ICE2: variants seen among roughly 807,000 people sequenced by gnomAD.
ICE2 encodes little elongation complex subunit 2.
Under a neutral mutation model 105.4 loss-of-function variants are expected in ICE2, and 87 were observed. The observed-to-expected ratio is 0.83, with a 90% CI of 0.69 to 0.99. ICE2 has a LOEUF of 0.99. Ranked by LOEUF, ICE2 falls within the 50% of genes least tolerant of loss-of-function variation. The probability of loss-of-function intolerance (pLI) is 0.00; values close to 1 mark genes in which losing one functional copy is unlikely to be tolerated. For synonymous variants in ICE2, 399 were observed against 392.0 expected (o/e 1.02, Z -0.21); for missense variants, 1,323 against 1,146.7 (o/e 1.15, Z -2.22).
chr15:60,437,797 G>C (rs1193882179), intron 12 of ICE2: 1 of 150,760 alleles, frequency 6.6e-6, no homozygotes, highest in African/African-American at 2.4e-5. Context: ...GACTATAGTT[G>C]TGTGCCACCA....
chr15:60,443,195 G>T (rs1225369551), intron 11 of ICE2: 1 of 152,142 alleles, frequency 6.6e-6, no homozygotes, highest in Non-Finnish European at 1.5e-5. Context: ...CTGGCCTAAG[G>T]GAGCGTAAGC....
chr15:60,444,904 C>T (rs966380359), intron 11 of ICE2, among the ~76,000 whole-genome samples: 1 of 152,068 alleles, frequency 6.6e-6, no homozygotes, highest in Non-Finnish European at 1.5e-5. Flanking sequence ...AGGCTGGTCT[C>T]GAACTCCTGA....
At chr15:60,453,811 G>T (rs1254978916) in intron 8 of ICE2, 27 bp from the exon 9 acceptor site, 3 of 1,504,102 alleles carry the variant, frequency 2.0e-6, no homozygotes, top group Middle Eastern at 1.8e-4. Context: ...AAGAAAAGAG[G>T]TGATTAGTAT....
intron 12 of ICE2, chr15:60,439,665 G>C (rs2063678810): frequency 6.6e-6 from 1 of 152,318 alleles, no homozygotes; most frequent in Non-Finnish European, 1.5e-5. Flanking sequence ...TTAGAAGCTT[G>C]AGGCACCGTA....
rs1282189351 is a variant in ICE2, at chr15:60,455,419, T to G, written c.690A>C (p.Thr230=). 4.3e-6 allele frequency: 7 copies of G among 1,612,922 alleles called. No individual in the cohort carries two copies. Among genetic ancestry groups the G allele is most frequent in the Non-Finnish European group, 5.9e-6 (7 of 1,179,050 alleles). ...ACTTTATAGGCATTGAGGGAAATAC[T>G]GTTTTCACATATTTTACACTGCCCT... ...LALGSVKYVK[T]VFPSMPIKLQ... is the part of the protein sequence containing the mutation. Residue 230 remains threonine (T), a synonymous_variant, in exon 7 of 16, where the codon ACA becomes ACC. Transcript: ENST00000261520.
intron 3 of ICE2, 74 bp from the exon 4 acceptor site, chr15:60,468,396 C>CCCTGGTGATTG: frequency 8.6e-7 from 1 of 1,162,248 alleles, no homozygotes; most frequent in Non-Finnish European, 1.2e-6. Flanking sequence ...TCATGATTCT[C>CCCTGGTGATTG]AATCACCAGG....
chr15:60,424,496 A>G (rs1418841625), intron 15 of ICE2, among the ~76,000 whole-genome samples: 1 of 144,348 alleles, frequency 6.9e-6, no homozygotes, highest in Non-Finnish European at 1.5e-5. Flanking sequence ...TCACACAGTC[A>G]AAGAGAGGTG....
At chr15:60,451,184 T>C (rs1048611588) in intron 9 of ICE2, 1 of 678,684 alleles carries the variant, frequency 1.5e-6, no homozygotes, top group South Asian at 6.7e-5. Context: ...AGATACTGTC[T>C]CTAAGTAAAA....
intron 13 of ICE2, among the ~76,000 whole-genome samples, chr15:60,434,726 A>C (rs544807968): frequency 6.6e-6 from 1 of 152,206 alleles, no homozygotes; most frequent in Non-Finnish European, 1.5e-5. Context: ...TGGAGCATGG[A>C]GATACAGAAT....
Position 60,455,153 on chromosome 15 carries a change from T to C in ICE2, c.793A>G (p.Lys265Glu), listed in dbSNP as rs939178602. The C allele has an allele frequency of 1.8e-5, 29 of 1,572,532 alleles. No individual in the cohort carries two copies. Among genetic ancestry groups the C allele is most frequent in the Non-Finnish European group, 2.3e-5 (27 of 1,166,028 alleles). The stretch of plus-strand genomic sequence containing the variant: ...ACAAGCTTCTCTGCATTTGGATCTT[T>C]ACTAATATCCTGAAAAACAACAAGT... ...TAEAMHYDIS[K>E]DPNAEKLVSR... The change falls in exon 8 of 16, where the codon AAA (lysine) becomes GAA (glutamate). Residue 265 changes from lysine (K) to glutamate (E), a missense_variant. Lys to Glu is a moderately conservative substitution (Grantham distance 56, BLOSUM62 1). Coordinates refer to ENST00000261520, the MANE Select transcript of ICE2 (RefSeq NM_024611.6).
At chr15:60,432,099 G>T in intron 13 of ICE2, 115 bp from the exon 14 acceptor site, 2 of 355,904 alleles carry the variant, frequency 5.6e-6, no homozygotes, top group Non-Finnish European at 5.0e-6. Flanking sequence ...CAGCGGATGA[G>T]ATAATGTAAT....
intron 5 of ICE2, among the ~76,000 whole-genome samples, chr15:60,458,120 A>T (rs947634892): frequency 6.6e-6 from 1 of 152,198 alleles, no homozygotes; most frequent in Non-Finnish European, 1.5e-5. Context: ...ACTCTGATAC[A>T]TTATACAATT....
chr15:60,468,222 C>A lies in ICE2; in HGVS notation c.247G>T (p.Gly83Ter). 6.2e-7 allele frequency: 1 copy of A among 1,613,934 alleles called. No homozygotes were observed. Residue 83 changes from glycine (G) to a stop codon, truncating the protein, a stop_gained, in exon 4 of 16, where the codon GGA becomes TGA. Transcript: ENST00000261520. LOFTEE classifies it high-confidence loss of function. ...QAKEKVKTTI[G>*]MVLLPKPRVP... ...CTTGGTTTTGGAAGAAGAACCATTC[C>A]AATTGTGGTTTTAACTTTTTCCTTT...
chr15:60,432,793 G>A (rs1009636302), intron 13 of ICE2, among the ~76,000 whole-genome samples: 13 of 151,986 alleles, frequency 8.6e-5, no homozygotes, highest in Middle Eastern at 3.4e-3. Flanking sequence ...TGGGGAGGCT[G>A]AGGCAGGAGA....
chr15:60,449,154 T>C lies in ICE2; in HGVS notation c.1813A>G (p.Ser605Gly), dbSNP rs747860009. ...GCCTGTCCTGAGGAAGAATTTGGACTAGCTGGTCTGGAACTTAAGTTAGAA... is the reference window on the plus strand; with the variant it reads ...GCCTGTCCTGAGGAAGAATTTGGACCAGCTGGTCTGGAACTTAAGTTAGAA... ...VGSNLSSRPA[S>G]PNSSSGQASV... Residue 605 changes from serine to glycine, a missense_variant, in exon 10 of 16, where the codon AGT becomes GGT. Physicochemically the swap from Ser to Gly is moderately conservative, Grantham distance 56. Coordinates refer to ENST00000261520, the MANE Select transcript of ICE2 (RefSeq NM_024611.6). The C allele has an allele frequency of 7.4e-6, 12 of 1,613,918 alleles. No individual in the cohort carries two copies. Among genetic ancestry groups the C allele is most frequent in the Non-Finnish European group, 9.3e-6 (11 of 1,179,768 alleles).
intron 12 of ICE2, 90 bp downstream of exon 12, chr15:60,442,326 A>G: frequency 1.7e-6 from 2 of 1,197,124 alleles, no homozygotes; most frequent in Non-Finnish European, 2.4e-6. Context: ...AAAGTAAAAA[A>G]GGGCAGAATA....
chr15:60,454,305 T>C (rs1595787251), intron 8 of ICE2, among the ~76,000 whole-genome samples: 1 of 152,340 alleles, frequency 6.6e-6, no homozygotes, highest in South Asian at 2.1e-4. Context: ...ACTACCCTAT[T>C]GCTTATATGT....
At chr15:60,467,068 A>G (rs1359640553) in intron 4 of ICE2, among the ~76,000 whole-genome samples, 1 of 152,074 alleles carries the variant, frequency 6.6e-6, no homozygotes, top group Non-Finnish European at 1.5e-5. Flanking sequence ...GCTCACTGCA[A>G]CCTCCGCCTC....
intron 10 of ICE2, among the ~76,000 whole-genome samples, chr15:60,448,579 C>A (rs1292900132): frequency 6.6e-6 from 1 of 152,180 alleles, no homozygotes; most frequent in Admixed American, 6.5e-5. Flanking sequence ...TTACCCTTCA[C>A]CAATTTGACA....
Sources: allele counts gnomAD v4.1 joint callset (sites outside exome capture counted in the v4.1 genomes callset), GRCh38; gene constraint gnomAD v4.1.1; transcripts MANE v1.5; gene names NCBI Gene and HGNC (gene_info 2026-07-23, HGNC 2026-07-21).